ZNF385D: variants seen among roughly 807,000 people sequenced by gnomAD.
The protein encoded by ZNF385D is zinc finger protein 385D.
Under a neutral mutation model 35.8 loss-of-function variants are expected in ZNF385D, and 15 were observed. The observed-to-expected ratio is 0.42, with a 90% CI of 0.28 to 0.64. The LOEUF (loss-of-function observed/expected upper bound fraction) is 0.64, where lower values mean the gene tolerates loss of function less well. ZNF385D is among the 30% of genes least tolerant of loss of function. The pLI is 0.23. For synonymous variants in ZNF385D, 212 were observed against 186.8 expected (o/e 1.13, Z -1.10); for missense variants, 474 against 494.6 (o/e 0.96, Z 0.39).
intron 2 of ZNF385D, among the ~76,000 whole-genome samples, chr3:22,363,917 G>T (rs990453973): frequency 2.6e-5 from 4 of 152,048 alleles, no homozygotes; most frequent in Non-Finnish European, 1.5e-5. Flanking sequence ...CATGAAGCAG[G>T]ACATTTTGGC....
intron 2 of ZNF385D, among the ~76,000 whole-genome samples, chr3:22,318,171 C>T (rs938266052): frequency 4.6e-5 from 7 of 151,896 alleles, no homozygotes; most frequent in Non-Finnish European, 8.8e-5. Flanking sequence ...AATTACAATA[C>T]TGAAATGCTA....
chr3:22,066,316 G>A (rs1392397316), intron 3 of ZNF385D, among the ~76,000 whole-genome samples: 1 of 118,356 alleles, frequency 8.4e-6, no homozygotes, highest in Non-Finnish European at 1.7e-5. Flanking sequence ...GTGTGTGTGT[G>A]TGTATGTGTG....
intron 3 of ZNF385D, among the ~76,000 whole-genome samples, chr3:21,559,772 T>TTC (rs1251355370): frequency 2.0e-5 from 3 of 152,228 alleles, no homozygotes; most frequent in African/African-American, 7.2e-5. Context: ...CTTGGTTCCA[T>TTC]TCTCCCTGTC....
chr3:21,900,961 TAA>T (rs911037923), intron 3 of ZNF385D, among the ~76,000 whole-genome samples: 3 of 152,108 alleles, frequency 2.0e-5, no homozygotes, highest in African/African-American at 7.2e-5. Context: ...TTCAGAGAGG[TAA>T]AGCCACCAGC....
chr3:21,965,728 TTGA>T (rs1410994664), intron 3 of ZNF385D, among the ~76,000 whole-genome samples: 2 of 152,188 alleles, frequency 1.3e-5, no homozygotes, highest in African/African-American at 4.8e-5. Context: ...TTTCCTGATG[TTGA>T]TAACTTCTGT....
At chr3:22,281,527 G>A (rs1701740107) in intron 2 of ZNF385D, among the ~76,000 whole-genome samples, 1 of 151,952 alleles carries the variant, frequency 6.6e-6, no homozygotes, top group South Asian at 2.1e-4. Flanking sequence ...TGGTTACGTG[G>A]TATATCACAT....
intron 4 of ZNF385D, among the ~76,000 whole-genome samples, chr3:21,499,430 A>G (rs1706201311): frequency 6.6e-6 from 1 of 152,132 alleles, no homozygotes; most frequent in Admixed American, 6.5e-5. Flanking sequence ...CTAAATATTG[A>G]TTACATATGA....
intron 1 of ZNF385D, among the ~76,000 whole-genome samples, chr3:21,743,654 C>G (rs2069626035): frequency 1.3e-5 from 2 of 152,140 alleles, no homozygotes; most frequent in African/African-American, 2.4e-5. Context: ...TAATCCCATC[C>G]TGAGGGTTCC....
intron 3 of ZNF385D, among the ~76,000 whole-genome samples, chr3:21,526,182 C>T (rs1708209971): frequency 6.6e-6 from 1 of 152,036 alleles, no homozygotes; most frequent in African/African-American, 2.4e-5. Flanking sequence ...AGAAATCAAG[C>T]ATGAAGTTTG....
At chr3:21,797,152 C>T (rs1255107874) in intron 3 of ZNF385D, among the ~76,000 whole-genome samples, 1 of 152,182 alleles carries the variant, frequency 6.6e-6, no homozygotes, top group Non-Finnish European at 1.5e-5. Context: ...AATTAGAGAA[C>T]ACAATTTAAA....
chr3:21,536,198 T>A (rs1042000540), intron 3 of ZNF385D, among the ~76,000 whole-genome samples: 1 of 152,086 alleles, frequency 6.6e-6, no homozygotes, highest in African/African-American at 2.4e-5. Flanking sequence ...GTATTCATCT[T>A]ATTTGTTGAT....
intron 3 of ZNF385D, among the ~76,000 whole-genome samples, chr3:22,060,842 C>T (rs974886845): frequency 6.6e-6 from 1 of 151,950 alleles, no homozygotes; most frequent in African/African-American, 2.4e-5. Flanking sequence ...GAAAGTTTTG[C>T]AGTTTAGTTC....
At chr3:21,919,376 G>C (rs1386210683) in intron 3 of ZNF385D, among the ~76,000 whole-genome samples, 1 of 152,176 alleles carries the variant, frequency 6.6e-6, no homozygotes, top group African/African-American at 2.4e-5. Context: ...TTCTAGGATG[G>C]AATGTTCTAT....
chr3:21,797,245 A>C (rs1188287055), intron 3 of ZNF385D, among the ~76,000 whole-genome samples: 1 of 152,190 alleles, frequency 6.6e-6, no homozygotes, highest in Non-Finnish European at 1.5e-5. Context: ...TCTTCACATT[A>C]TATGTCATCA....
At chr3:21,874,329 C>T (rs185127295) in intron 3 of ZNF385D, among the ~76,000 whole-genome samples, 5 of 151,908 alleles carry the variant, frequency 3.3e-5, no homozygotes, top group Non-Finnish European at 7.4e-5. Flanking sequence ...AATCCTTTGC[C>T]CATTTCTTAA....
intron 3 of ZNF385D, among the ~76,000 whole-genome samples, chr3:21,966,070 C>A (rs894224382): frequency 1.3e-5 from 2 of 152,136 alleles, no homozygotes; most frequent in Non-Finnish European, 2.9e-5. Context: ...CTCCTTGTCT[C>A]TCTAGAGTAA....
At chr3:22,132,574 T>C (rs1463546900) in intron 3 of ZNF385D, among the ~76,000 whole-genome samples, 2 of 152,200 alleles carry the variant, frequency 1.3e-5, no homozygotes, top group African/African-American at 2.4e-5. Flanking sequence ...TTTCAACATA[T>C]GCCTCAATAT....
At chr3:21,921,736 T>C (rs1700473181) in intron 3 of ZNF385D, among the ~76,000 whole-genome samples, 2 of 150,846 alleles carry the variant, frequency 1.3e-5, no homozygotes, top group Admixed American at 1.3e-4. Flanking sequence ...AACTAGAAAA[T>C]CTATAGAAAA....
chr3:22,291,709 C>A (rs183751922), intron 2 of ZNF385D, among the ~76,000 whole-genome samples: 174 of 151,922 alleles, frequency 1.1e-3, no homozygotes, highest in African/African-American at 3.9e-3. Context: ...TATATTTGTT[C>A]TTTTCTTCAC....
Sources: gnomAD v4.1 joint callset for allele counts (sites outside exome capture counted in the v4.1 genomes callset) on GRCh38, gnomAD v4.1.1 for gene constraint, MANE v1.5 for transcripts, NCBI Gene and HGNC (gene_info 2026-07-23, HGNC 2026-07-21) for gene names.